UROC1: variants seen among roughly 807,000 people sequenced by gnomAD.
UROC1 encodes the protein urocanate hydratase 1.
A neutral mutation model predicts 89.5 loss-of-function variants in UROC1; 79 were observed. The ratio of observed to expected loss-of-function variants is 0.88; its 90% CI spans 0.74 to 1.06. UROC1 has a LOEUF of 1.06. Among genes scored for constraint, UROC1 ranks in the 50% least tolerant of loss-of-function variants. The pLI is 0.00. For missense variants in UROC1, 885 were observed against 907.8 expected, an observed-to-expected ratio of 0.97 and a Z score of 0.32; for synonymous variants, 361 against 354.8, an observed-to-expected ratio of 1.02 and a Z score of -0.20.
rs545139770 is a variant in UROC1, at chr3:126,511,237, C to T, written c.127-443G>A. On this transcript the variant is annotated intron_variant, in intron 1 of 19. Transcript: ENST00000290868. ...GCTGTCAAAAGCAACATATATTTTA[C>T]ACACACACATGAACTCTTTTGATCG... is the stretch of plus-strand genomic sequence containing the variant. 2.2e-4 allele frequency among the ~76,000 whole-genome samples: 33 copies of T among 152,318 alleles called. 1 individual carries two copies. Among genetic ancestry groups the T allele is most frequent in the Middle Eastern group, 6.8e-3 (2 of 294 alleles).
At chr3:126,492,024 G>A (rs987417134) in intron 16 of UROC1, among the ~76,000 whole-genome samples, 1 of 152,074 alleles carries the variant, frequency 6.6e-6, no homozygotes, top group Non-Finnish European at 1.5e-5. Context: ...AGGGGCCTTG[G>A]AGCCCCTGAG....
chr3:126,486,168 C>A (rs1426730746), intron 18 of UROC1, among the ~76,000 whole-genome samples: 1 of 152,228 alleles, frequency 6.6e-6, no homozygotes, highest in East Asian at 1.9e-4. Context: ...GAAGCCTGCT[C>A]ACCTGAGGTG....
chr3:126,485,912 C>A (rs1219544606), intron 18 of UROC1, among the ~76,000 whole-genome samples: 1 of 152,172 alleles, frequency 6.6e-6, no homozygotes, highest in East Asian at 1.9e-4. Context: ...CCTCCTGCAT[C>A]TCACCAACAA....
At chr3:126,499,238 AG>A in intron 13 of UROC1, 98 bp downstream of exon 13, 2 of 1,355,744 alleles carry the variant, frequency 1.5e-6, no homozygotes, top group Non-Finnish European at 2.1e-6. Flanking sequence ...GGGCGGTCAG[AG>A]GCTGAAGCTT....
chr3:126,492,411 A>G lies in UROC1; in HGVS notation c.1608+7T>C, dbSNP rs1264649267. On this transcript the variant is annotated splice_region_variant and intron_variant, in intron 16 of 19. Transcript: ENST00000290868. ...GGATGCTTCCCCCAGAGCACAGGAC[A>G]CCTCACCTTGATCCTCCTGCAGGCG... The G allele has an allele frequency of 6.2e-7, 1 of 1,612,628 alleles. No homozygotes were observed. Among genetic ancestry groups the G allele is most frequent in the Admixed American group, 1.7e-5 (1 of 59,972 alleles).
At position 126,489,295 on chromosome 3, in the gene UROC1, G is replaced by A. The variant is rs576867756; in HGVS notation, c.1689C>T (p.Asp563=). 197 of 1,613,640 alleles carry A rather than the reference G, an allele frequency of 1.2e-4. No individual in the cohort carries two copies. Among genetic ancestry groups the A allele is most frequent in the African/African-American group, 3.3e-4 (25 of 75,052 alleles). ...CCTCACCTGCACAGAAGGCAGAGCCGTCGTAAATGTTGGAGGTCTCCCTAA... is the reference window on the plus strand; with the variant it reads ...CCTCACCTGCACAGAAGGCAGAGCCATCGTAAATGTTGGAGGTCTCCCTAA... ...SPFRETSNIY[D]GSAFCADMAV... Residue 563 remains aspartate, a synonymous_variant, in exon 17 of 20, where the codon GAC becomes GAT. Coordinates refer to ENST00000290868, the MANE Select transcript of UROC1 (RefSeq NM_144639.3).
At chr3:126,495,929 G>A in intron 15 of UROC1, 109 bp downstream of exon 15, 32 of 1,108,356 alleles carry the variant, frequency 2.9e-5, no homozygotes, top group Non-Finnish European at 4.1e-5. Context: ...TCAGGGCTTG[G>A]CAAGCTGGAG....
At chr3:126,514,741 C>T (rs1349644059) in intron 1 of UROC1, among the ~76,000 whole-genome samples, 14 of 151,736 alleles carry the variant, frequency 9.2e-5, no homozygotes, top group Admixed American at 9.2e-4. Flanking sequence ...GAGTAGTTTT[C>T]AGTAAAGAAA....
In UROC1 at chr3:126,510,707, CGTA is replaced by C. The variant is rs1936174482; in HGVS notation, c.211_213del (p.Tyr71del). 1.2e-6 allele frequency: 2 copies of C among 1,614,050 alleles called. No homozygotes were observed. The highest frequency in any genetic ancestry group is 3.3e-5 in the Admixed American group (2 of 60,008). On this transcript the variant is annotated inframe_deletion, in exon 2 of 20. Coordinates refer to ENST00000290868, the MANE Select transcript of UROC1 (RefSeq NM_144639.3). The stretch of plus-strand genomic sequence containing the variant: ...CAAAACCGGTACATGTAGATGTGTC[CGTA>C]CAGTTGCAGCTCCTGGGCAAACTCT...
intron 1 of UROC1, among the ~76,000 whole-genome samples, chr3:126,514,913 TTTC>T (rs1348444365): frequency 6.6e-6 from 1 of 152,060 alleles, no homozygotes; most frequent in African/African-American, 2.4e-5. Context: ...ATACATTCGA[TTTC>T]TTATCACATA....
intron 6 of UROC1, among the ~76,000 whole-genome samples, chr3:126,506,719 C>T (rs1482993546): frequency 6.6e-6 from 1 of 152,222 alleles, no homozygotes; most frequent in Non-Finnish European, 1.5e-5. Flanking sequence ...ACACTGTCAA[C>T]TGGAGAATCT....
At position 126,483,426 on chromosome 3, in the gene UROC1, A is replaced by C; in HGVS notation, c.1833T>G (p.Gly611=). The C allele has an allele frequency of 1.2e-6, 2 of 1,613,812 alleles. No homozygotes were observed. The highest frequency in any genetic ancestry group is 1.7e-6 in the Non-Finnish European group (2 of 1,180,046). The part of the protein sequence containing the change: ...INGGFGLVLD[G]TPEAEGRARL... The stretch of plus-strand genomic sequence containing the variant: ...TGGCTCTCCCCTCGGCCTCCGGGGT[A>C]CCGTCCAGCACGAGGCCGAATCCCC... The change falls in exon 19 of 20, where the codon GGT becomes GGG. Residue 611 remains glycine (G), a synonymous_variant. Coordinates refer to ENST00000290868, the MANE Select transcript of UROC1 (RefSeq NM_144639.3).
At position 126,482,235 on chromosome 3, in the gene UROC1, T is replaced by A; in HGVS notation, c.*110A>T. The A allele has an allele frequency of 6.7e-7, 1 of 1,503,122 alleles. No individual in the cohort carries two copies. The highest frequency in any genetic ancestry group is 9.1e-7 in the Non-Finnish European group (1 of 1,099,604). The allele number at this position is 1,503,122 out of a possible 1,614,324, so 93.1% of individuals were successfully genotyped here. On this transcript the variant is annotated 3_prime_UTR_variant, in exon 20 of 20. Coordinates refer to ENST00000290868, the MANE Select transcript of UROC1 (RefSeq NM_144639.3). ...GGGCACCATAAGGGCCACGTGAGGATGTGCGAGAAGTGCAGGTAGTGCGGG... is the reference window on the plus strand; with the variant it reads ...GGGCACCATAAGGGCCACGTGAGGAAGTGCGAGAAGTGCAGGTAGTGCGGG...
chr3:126,511,209 A>G (rs1323377397), intron 1 of UROC1, among the ~76,000 whole-genome samples: 1 of 152,170 alleles, frequency 6.6e-6, no homozygotes, highest in African/African-American at 2.4e-5. Context: ...CATATAAGAA[A>G]AAGCTGTCAA....
chr3:126,517,494 G>C, intron 1 of UROC1, 100 bp downstream of exon 1: 1 of 1,580,502 alleles, frequency 6.3e-7, no homozygotes, highest in African/African-American at 1.3e-5. Context: ...GGGCGGCTGA[G>C]CAGCTCCCAC....
intron 9 of UROC1, among the ~76,000 whole-genome samples, chr3:126,502,318 A>G (rs1381148640): frequency 1.3e-5 from 2 of 149,920 alleles, no homozygotes; most frequent in African/African-American, 2.5e-5. Context: ...ATGTTTATGC[A>G]TGTGTGCATG....
chr3:126,503,094 G>C (rs1387001015), intron 9 of UROC1, among the ~76,000 whole-genome samples: 1 of 152,196 alleles, frequency 6.6e-6, no homozygotes, highest in Non-Finnish European at 1.5e-5. Flanking sequence ...ATAGGGATGG[G>C]AGTTAGGTCG....
intron 16 of UROC1, among the ~76,000 whole-genome samples, chr3:126,491,942 G>A (rs912702892): frequency 1.3e-5 from 2 of 152,150 alleles, no homozygotes; most frequent in Admixed American, 6.5e-5. Context: ...ACACAGCAGG[G>A]AACAATGATG....
chr3:126,510,763 G>C lies in UROC1; in HGVS notation c.158C>G (p.Pro53Arg). ...LALRNALRYF[P>R]PDVQELLAPE... The stretch of plus-strand genomic sequence containing the variant: ...GGCCAGCAGCTCCTGGACATCCGGG[G>C]GGAAGTAGCGCAGGGCGTTCCTCAG... The change falls in exon 2 of 20, where the codon CCC becomes CGC. Residue 53 changes from proline (P) to arginine (R), a missense_variant. Coordinates refer to ENST00000290868, the MANE Select transcript of UROC1 (RefSeq NM_144639.3). 6.2e-7 allele frequency: 1 copy of C among 1,614,002 alleles called. No homozygotes were observed. Among genetic ancestry groups the C allele is most frequent in the Non-Finnish European group, 8.5e-7 (1 of 1,180,036 alleles).
Sources: gnomAD v4.1 joint callset for allele counts (sites outside exome capture counted in the v4.1 genomes callset) on GRCh38, gnomAD v4.1.1 for gene constraint, MANE v1.5 for transcripts, NCBI Gene and HGNC (gene_info 2026-07-23, HGNC 2026-07-21) for gene names.